Variants in ZCCHC7 observed in about 807,000 individuals in gnomAD.
The protein encoded by ZCCHC7 is zinc finger CCHC domain-containing protein 7.
ZCCHC7 carries 35 observed loss-of-function variants against 52.0 expected under a neutral mutation model. The ratio of observed to expected loss-of-function variants is 0.67; its 90% CI spans 0.51 to 0.89. ZCCHC7 has a LOEUF of 0.89. Among genes scored for constraint, ZCCHC7 ranks in the 40% least tolerant of loss-of-function variants. The pLI, the probability that ZCCHC7 is intolerant of heterozygous loss-of-function variation, is 0.00. For synonymous variants in ZCCHC7, 217 were observed against 221.5 expected, an observed-to-expected ratio of 0.98 and a Z score of 0.18; for missense variants, 574 against 649.1, an observed-to-expected ratio of 0.88 and a Z score of 1.26.
chr9:37,196,054 A>G (rs1227957194), intron 2 of ZCCHC7, among the ~76,000 whole-genome samples: 1 of 152,196 alleles, frequency 6.6e-6, no homozygotes, highest in Non-Finnish European at 1.5e-5. Flanking sequence ...TGAAGGAATT[A>G]TGAGGGTACT....
intron 5 of ZCCHC7, among the ~76,000 whole-genome samples, chr9:37,308,149 C>G (rs1036962126): frequency 6.6e-6 from 1 of 152,126 alleles, no homozygotes; most frequent in Non-Finnish European, 1.5e-5. Context: ...TTTGAATACT[C>G]TATTCTCAAG....
chr9:37,200,082 T>G (rs1823551957), intron 2 of ZCCHC7, among the ~76,000 whole-genome samples: 1 of 152,198 alleles, frequency 6.6e-6, no homozygotes, highest in Non-Finnish European at 1.5e-5. Context: ...ATGCTTTATA[T>G]TCTCTCTTTT....
At chr9:37,249,561 C>A (rs1173655191) in intron 2 of ZCCHC7, among the ~76,000 whole-genome samples, 1 of 148,696 alleles carries the variant, frequency 6.7e-6, no homozygotes, top group Non-Finnish European at 1.5e-5. Flanking sequence ...AAGCAATTCT[C>A]CTGCCTCAGC....
intron 6 of ZCCHC7, among the ~76,000 whole-genome samples, chr9:37,344,036 G>A (rs982456227): frequency 2.6e-5 from 4 of 152,044 alleles, no homozygotes; most frequent in African/African-American, 7.2e-5. Context: ...AAACCAGCTG[G>A]GCACAGTGGT....
rs185919527 is a variant in ZCCHC7, at chr9:37,297,698, C to T, written c.611-4490C>T. Among the ~76,000 whole-genome samples the T allele has an allele frequency of 2.6e-5, 4 of 152,126 alleles. No individual in the cohort carries two copies. The East Asian group carries it at 7.7e-4, about 29-fold the overall frequency. The stretch of plus-strand genomic sequence containing the variant: ...TGGCACCTGCGGTGTAGATAACCAA[C>T]TGGATATGCTGAACTGAGCCCTCTG... On this transcript the variant is annotated intron_variant, in intron 2 of 8. Transcript: ENST00000336755.
chr9:37,222,828 C>G (rs1011400963), intron 2 of ZCCHC7, among the ~76,000 whole-genome samples: 3 of 152,044 alleles, frequency 2.0e-5, no homozygotes, highest in African/African-American at 4.8e-5. Flanking sequence ...ATAAAATAGT[C>G]TAAGAAACCA....
chr9:37,127,552 C>T (rs972955047), intron 2 of ZCCHC7, among the ~76,000 whole-genome samples: 4 of 152,160 alleles, frequency 2.6e-5, no homozygotes, highest in African/African-American at 9.7e-5. Flanking sequence ...TTAGTTATGT[C>T]TCTGTGACAT....
chr9:37,344,560 C>T (rs2118532957), intron 6 of ZCCHC7, among the ~76,000 whole-genome samples: 1 of 152,208 alleles, frequency 6.6e-6, no homozygotes, highest in South Asian at 2.1e-4. Context: ...ATGCCTTACG[C>T]CAAGAGTGGT....
chr9:37,181,356 G>T (rs1822343877), intron 2 of ZCCHC7, among the ~76,000 whole-genome samples: 1 of 152,104 alleles, frequency 6.6e-6, no homozygotes. Context: ...TGACTTCAGA[G>T]ATTTTTGCTC....
intron 2 of ZCCHC7, among the ~76,000 whole-genome samples, chr9:37,273,145 G>A (rs1827507903): frequency 1.3e-5 from 2 of 152,290 alleles, no homozygotes; most frequent in Non-Finnish European, 1.5e-5. Flanking sequence ...TGGTAGAGTT[G>A]TGTAGTTGGC....
intron 2 of ZCCHC7, among the ~76,000 whole-genome samples, chr9:37,237,531 A>G (rs1420364472): frequency 1.3e-5 from 2 of 152,144 alleles, no homozygotes; most frequent in South Asian, 2.1e-4. Context: ...TATATATTTC[A>G]TCTCCTTAAC....
At chr9:37,205,787 A>C (rs1823874590) in intron 2 of ZCCHC7, among the ~76,000 whole-genome samples, 1 of 152,126 alleles carries the variant, frequency 6.6e-6, no homozygotes, top group African/African-American at 2.4e-5. Flanking sequence ...AAGTGCTGGG[A>C]TTACAGGCAT....
At chr9:37,134,707 TG>T (rs1352779502) in intron 2 of ZCCHC7, among the ~76,000 whole-genome samples, 3 of 152,072 alleles carry the variant, frequency 2.0e-5, no homozygotes, top group South Asian at 4.1e-4. Flanking sequence ...CCTTGTTTTT[TG>T]TTGGTTGTTT....
In ZCCHC7 at chr9:37,357,613, A is replaced by G. The variant is rs1174163268; in HGVS notation, c.*345A>G. ...CTGCATCAAAGGTAATTTATCCTCA[A>G]ATTAAATCCTTGCAGGAAGAGAAAT... On this transcript the variant is annotated 3_prime_UTR_variant, in exon 9 of 9. Coordinates refer to ENST00000336755, the MANE Select transcript of ZCCHC7 (RefSeq NM_032226.3). 6.1e-6 allele frequency: 1 copy of G among 163,178 alleles called. No homozygotes were observed. The highest frequency in any genetic ancestry group is 2.4e-5 in the African/African-American group (1 of 41,960). The allele number at this position is 163,178 out of a possible 1,614,324, so 10.1% of individuals were successfully genotyped here. A position where few individuals can be genotyped will look rare whatever the true frequency, so the allele number is the denominator to read the frequency against.
chr9:37,281,623 G>T (rs1827962921), intron 2 of ZCCHC7, among the ~76,000 whole-genome samples: 1 of 152,142 alleles, frequency 6.6e-6, no homozygotes, highest in Non-Finnish European at 1.5e-5. Flanking sequence ...ATCTCATTTT[G>T]AATCTCATTT....
At chr9:37,167,556 A>G (rs1398141804) in intron 2 of ZCCHC7, among the ~76,000 whole-genome samples, 2 of 152,178 alleles carry the variant, frequency 1.3e-5, no homozygotes, top group Non-Finnish European at 2.9e-5. Context: ...TTCTCCTTAC[A>G]ATGAGTCATA....
At chr9:37,234,929 A>G (rs945041484) in intron 2 of ZCCHC7, among the ~76,000 whole-genome samples, 12 of 152,168 alleles carry the variant, frequency 7.9e-5, no homozygotes, top group Non-Finnish European at 1.3e-4. Flanking sequence ...TTAAAAAATA[A>G]CTTTCTAAGT....
intron 1 of ZCCHC7, among the ~76,000 whole-genome samples, chr9:37,124,690 T>G (rs1200736070): frequency 1.3e-5 from 2 of 152,158 alleles, no homozygotes; most frequent in African/African-American, 4.8e-5. Flanking sequence ...TGAGCTGAGT[T>G]TAAAAGATGA....
At chr9:37,250,719 G>C (rs1337320330) in intron 2 of ZCCHC7, among the ~76,000 whole-genome samples, 1 of 152,036 alleles carries the variant, frequency 6.6e-6, no homozygotes, top group Non-Finnish European at 1.5e-5. Context: ...TTAGCTTGTT[G>C]GTTTTTACTT....
Sources: allele counts gnomAD v4.1 joint callset (sites outside exome capture counted in the v4.1 genomes callset), GRCh38; gene constraint gnomAD v4.1.1; transcripts MANE v1.5; gene names NCBI Gene and HGNC (gene_info 2026-07-23, HGNC 2026-07-21).